PRAG1: variants seen among roughly 807,000 people sequenced by gnomAD.
PRAG1 encodes the protein inactive tyrosine-protein kinase PRAG1.
In PRAG1, 110 loss-of-function variants were observed where a neutral mutation model predicts 95.6. That is an observed-to-expected ratio of 1.15 (90% CI 0.99 to 1.35). PRAG1 has a LOEUF of 1.35. Among genes scored for constraint, PRAG1 ranks in the 40% most tolerant of loss-of-function variants. The probability of loss-of-function intolerance (pLI) is 0.00; values close to 1 mark genes in which losing one functional copy is unlikely to be tolerated. For missense variants in PRAG1, 2,554 were observed against 1,864.7 expected (o/e 1.37, Z -6.81); for synonymous variants, 1,052 against 819.4 (o/e 1.28, Z -4.85).
Position 8,377,397 on chromosome 8 carries a change from A to T in PRAG1, c.1012T>A (p.Ser338Thr), listed in dbSNP as rs1483871478. The change falls in exon 3 of 6, where the codon TCC becomes ACC. Residue 338 changes from serine (S) to threonine (T), a missense_variant. Coordinates refer to ENST00000615670, the MANE Select transcript of PRAG1 (RefSeq NM_001080826.3). ...LSLTSEAAISSDGLSCGSGSG... is the reference protein window; with the variant it reads ...LSLTSEAAISTDGLSCGSGSG... ...CCGCTGCCACAAGAGAGGCCGTCGG[A>T]AGAAATGGCAGCCTCCGAGGTGAGG... The T allele has an allele frequency of 6.3e-7, 1 of 1,583,240 alleles. No homozygotes were observed. Among genetic ancestry groups the T allele is most frequent in the Non-Finnish European group, 8.6e-7 (1 of 1,166,166 alleles).
At chr8:8,322,219 C>A (rs955158673) in intron 5 of PRAG1, among the ~76,000 whole-genome samples, 1 of 152,052 alleles carries the variant, frequency 6.6e-6, no homozygotes, top group Non-Finnish European at 1.5e-5. Context: ...GTCTCTCTGT[C>A]GCCCAGGCTG....
chr8:8,327,945 C>T lies in PRAG1; in HGVS notation c.2837G>A (p.Ser946Asn), dbSNP rs776567910. 2 of 1,612,238 alleles carry T rather than the reference C, an allele frequency of 1.2e-6. No homozygotes were observed. The highest frequency in any genetic ancestry group is 1.7e-5 in the Admixed American group (1 of 59,888). Residue 946 changes from serine (S) to asparagine (N), a missense_variant, in exon 5 of 6, where the codon AGC (serine) becomes AAC (asparagine). By Grantham distance (46) the Ser-to-Asn change is conservative. Coordinates refer to ENST00000615670, the MANE Select transcript of PRAG1 (RefSeq NM_001080826.3). ...CTTGGCATAGGTGCCCTCCTTGCTGCTGATGTTGCTCAGGAGACCGTGCAG... is the reference window on the plus strand; with the variant it reads ...CTTGGCATAGGTGCCCTCCTTGCTGTTGATGTTGCTCAGGAGACCGTGCAG... ...LQLHGLLSNI[S>N]SKEGTYAKLG...
chr8:8,329,344 G>C (rs904264978), intron 4 of PRAG1, among the ~76,000 whole-genome samples: 5 of 152,156 alleles, frequency 3.3e-5, no homozygotes, highest in African/African-American at 9.6e-5. Flanking sequence ...AGTGAGCCAA[G>C]ATTGCGCCAC....
intron 3 of PRAG1, among the ~76,000 whole-genome samples, chr8:8,373,304 T>A (rs925248451): frequency 4.2e-4 from 64 of 152,200 alleles, no homozygotes; most frequent in African/African-American, 1.4e-3. Flanking sequence ...CCTGCCCTCT[T>A]ATCTTCTCAC....
chr8:8,377,408 G>A lies in PRAG1; in HGVS notation c.1001C>T (p.Ala334Val). Residue 334 changes from alanine to valine, a missense_variant, in exon 3 of 6, where the codon GCT (alanine) becomes GTT (valine). Physicochemically the swap from Ala to Val is moderately conservative, Grantham distance 64. Coordinates refer to ENST00000615670, the MANE Select transcript of PRAG1 (RefSeq NM_001080826.3). ...AGAGAGGCCGTCGGAAGAAATGGCA[G>A]CCTCCGAGGTGAGGGACAGTTTCTT... ...GPKKLSLTSE[A>V]AISSDGLSCG... 1 of 1,574,516 alleles carries A rather than the reference G, an allele frequency of 6.4e-7. No individual in the cohort carries two copies. Among genetic ancestry groups the A allele is most frequent in the Non-Finnish European group, 8.6e-7 (1 of 1,161,702 alleles).
At chr8:8,367,930 C>A (rs973024170) in intron 3 of PRAG1, among the ~76,000 whole-genome samples, 6 of 152,186 alleles carry the variant, frequency 3.9e-5, no homozygotes, top group Non-Finnish European at 8.8e-5. Context: ...CGTGAGCCAT[C>A]ACGCCTGGCC....
intron 2 of PRAG1, among the ~76,000 whole-genome samples, chr8:8,380,424 C>A (rs1416543585): frequency 2.0e-5 from 3 of 151,678 alleles, no homozygotes; most frequent in Admixed American, 6.6e-5. Context: ...CATGGTGAAA[C>A]CTCGTCTCTA....
intron 3 of PRAG1, among the ~76,000 whole-genome samples, chr8:8,343,224 G>A (rs769195389): frequency 1.3e-5 from 2 of 148,194 alleles, no homozygotes; most frequent in Non-Finnish European, 1.5e-5. Flanking sequence ...GACTGACAAC[G>A]TCAGATTTTG....
At chr8:8,378,407 C>G (rs539643921) in intron 2 of PRAG1, among the ~76,000 whole-genome samples, 1 of 152,316 alleles carries the variant, frequency 6.6e-6, no homozygotes, top group East Asian at 1.9e-4. Context: ...TTCTTCCTCC[C>G]TTGCAACCAG....
At chr8:8,335,188 AAGGATTT>A (rs1378951050) in intron 4 of PRAG1, among the ~76,000 whole-genome samples, 8 of 152,336 alleles carry the variant, frequency 5.3e-5, no homozygotes, top group African/African-American at 1.9e-4. Flanking sequence ...CACTTCTTCT[AAGGATTT>A]ATCTTACAGA....
chr8:8,324,622 A>C (rs979220303), intron 5 of PRAG1, among the ~76,000 whole-genome samples: 2 of 152,022 alleles, frequency 1.3e-5, no homozygotes, highest in African/African-American at 2.4e-5. Context: ...CTGCACTCGG[A>C]TTTTTAGCTC....
At position 8,319,134 on chromosome 8, in the gene PRAG1, G is replaced by C. The variant is rs199632492; in HGVS notation, c.3241C>G (p.Pro1081Ala). Residue 1081 changes from proline to alanine, a missense_variant, in exon 6 of 6, where the codon CCT becomes GCT. Transcript: ENST00000615670. ...ACCACGCAGTCCTGCTCCTGGGCAG[G>C]GGGGTGTGTGGGCAGGGCAGGCACA... is the stretch of plus-strand genomic sequence containing the variant. The part of the protein sequence containing the change: ...DPVPALPTHP[P>A]AQEQDCVVVI... 6.2e-7 allele frequency: 1 copy of C among 1,605,640 alleles called. No individual in the cohort carries two copies. The highest frequency in any genetic ancestry group is 2.2e-5 in the East Asian group (1 of 44,580).
At chr8:8,357,386 C>CA (rs1375845405) in intron 3 of PRAG1, among the ~76,000 whole-genome samples, 1 of 151,790 alleles carries the variant, frequency 6.6e-6, no homozygotes, top group Non-Finnish European at 1.5e-5. Context: ...TTAAATTTGT[C>CA]AAAAAACAAA....
intron 3 of PRAG1, among the ~76,000 whole-genome samples, chr8:8,368,453 G>A (rs1800083097): frequency 6.6e-6 from 1 of 152,314 alleles, no homozygotes; most frequent in African/African-American, 2.4e-5. Flanking sequence ...CAAGCACAGA[G>A]GATGCAGACT....
intron 3 of PRAG1, among the ~76,000 whole-genome samples, chr8:8,360,375 G>A (rs1348813595): frequency 6.6e-6 from 1 of 151,890 alleles, no homozygotes; most frequent in East Asian, 1.9e-4. Flanking sequence ...CTAAAATACT[G>A]ACCTTGCCTT....
At chr8:8,374,108 C>G (rs1332522187) in intron 3 of PRAG1, among the ~76,000 whole-genome samples, 1 of 152,224 alleles carries the variant, frequency 6.6e-6, no homozygotes, top group East Asian at 1.9e-4. Flanking sequence ...TCATCACTAA[C>G]CTCTGCATTG....
chr8:8,365,578 C>T (rs1490160949), intron 3 of PRAG1, among the ~76,000 whole-genome samples: 3 of 151,718 alleles, frequency 2.0e-5, no homozygotes, highest in Admixed American at 6.6e-5. Context: ...GAGCTGACAT[C>T]GCGCCATTGC....
At chr8:8,336,119 T>G (rs548667720) in intron 4 of PRAG1, among the ~76,000 whole-genome samples, 1 of 152,318 alleles carries the variant, frequency 6.6e-6, no homozygotes, top group South Asian at 2.1e-4. Flanking sequence ...AACTGTATTT[T>G]CAGACTTCTT....
intron 3 of PRAG1, chr8:8,374,755 G>C: frequency 1.0e-6 from 1 of 965,556 alleles, no homozygotes; most frequent in Non-Finnish European, 1.2e-6. Flanking sequence ...TGGGCGGCCA[G>C]TGCAATACCA....
Sources: allele counts gnomAD v4.1 joint callset (sites outside exome capture counted in the v4.1 genomes callset), GRCh38; gene constraint gnomAD v4.1.1; transcripts MANE v1.5; gene names NCBI Gene and HGNC (gene_info 2026-07-23, HGNC 2026-07-21).